PCSK2: variants seen among roughly 807,000 people sequenced by gnomAD.
PCSK2 encodes the protein proprotein convertase subtilisin/kexin type 2, also known as neuroendocrine convertase 2.
Under a neutral mutation model 69.7 loss-of-function variants are expected in PCSK2, and 14 were observed. The observed-to-expected ratio is 0.20, with a 90% CI of 0.13 to 0.31. The LOEUF (loss-of-function observed/expected upper bound fraction) is 0.31. Ranked by LOEUF, PCSK2 falls within the 10% of genes least tolerant of loss-of-function variation. The pLI, the probability that PCSK2 is intolerant of heterozygous loss-of-function variation, is 1.00. For missense variants in PCSK2, 544 were observed against 842.5 expected (o/e 0.65, Z 4.39); for synonymous variants, 307 against 320.7 (o/e 0.96, Z 0.46).
chr20:17,269,654 A>G (rs1435732276), intron 2 of PCSK2, among the ~76,000 whole-genome samples: 1 of 152,090 alleles, frequency 6.6e-6, no homozygotes, highest in Non-Finnish European at 1.5e-5. Flanking sequence ...GTCACATTTG[A>G]CTCAGAATGT....
intron 4 of PCSK2, among the ~76,000 whole-genome samples, chr20:17,365,171 T>C (rs564166917): frequency 6.6e-6 from 1 of 152,278 alleles, no homozygotes; most frequent in Non-Finnish European, 1.5e-5. Flanking sequence ...GATAAAGGCT[T>C]GCTCTCTGCT....
At chr20:17,318,637 A>G (rs907811490) in intron 2 of PCSK2, among the ~76,000 whole-genome samples, 3 of 152,148 alleles carry the variant, frequency 2.0e-5, no homozygotes, top group African/African-American at 7.2e-5. Flanking sequence ...ATGGTCCAAA[A>G]CCACTTGTGG....
At chr20:17,460,062 G>T (rs979118471) in intron 10 of PCSK2, among the ~76,000 whole-genome samples, 4 of 152,184 alleles carry the variant, frequency 2.6e-5, no homozygotes, top group African/African-American at 9.7e-5. Flanking sequence ...TTAGGGTACC[G>T]GGGTACCATT....
At chr20:17,469,484 C>G (rs2123408154) in intron 11 of PCSK2, among the ~76,000 whole-genome samples, 1 of 152,042 alleles carries the variant, frequency 6.6e-6, no homozygotes, top group Middle Eastern at 3.4e-3. Context: ...TCCTTGTAAG[C>G]CCAGGAGGTG....
chr20:17,266,185 G>A (rs1240393131), intron 2 of PCSK2, among the ~76,000 whole-genome samples: 2 of 152,190 alleles, frequency 1.3e-5, no homozygotes, highest in Non-Finnish European at 2.9e-5. Context: ...CGGCACTTGA[G>A]CTCACTGTTC....
In PCSK2 at chr20:17,340,645, C is replaced by A. The variant is rs556179532; in HGVS notation, c.283-17682C>A. On this transcript the variant is annotated intron_variant, in intron 2 of 11. Coordinates refer to ENST00000262545, the MANE Select transcript of PCSK2 (RefSeq NM_002594.5). ...ATTTGGGCTCCTATTTTGTTACAATCTTGATGTACATCCTAATTAATACAC... is the reference window on the plus strand; with the variant it reads ...ATTTGGGCTCCTATTTTGTTACAATATTGATGTACATCCTAATTAATACAC... 6.6e-5 allele frequency among the ~76,000 whole-genome samples: 10 copies of A among 152,266 alleles called. No homozygotes were observed. The East Asian group carries it at 1.9e-3, about 29-fold the overall frequency.
chr20:17,404,169 C>T (rs1433533190), intron 5 of PCSK2, among the ~76,000 whole-genome samples: 2 of 152,124 alleles, frequency 1.3e-5, no homozygotes, highest in African/African-American at 2.4e-5. Context: ...GAACCCCTGG[C>T]GCAATGCACA....
rs16999198 is a variant in PCSK2, at chr20:17,453,936, A to G, written c.1080A>G (p.Lys360=). The change falls in exon 9 of 12, where the codon AAA becomes AAG. Residue 360 remains lysine, a synonymous_variant. Coordinates refer to ENST00000262545, the MANE Select transcript of PCSK2 (RefSeq NM_002594.5). This position sits in a 1 kb window ranked among gnomAD's most constrained non-coding sequence, Gnocchi z 4.0. ...CTTCCACCTTCAGCAACGGGAGGAA[A>G]AGGAACCCCGAGGCCGGTGTGGTGA... ...TLASTFSNGR[K]RNPEAGVATT... 0.01 allele frequency: 16,710 copies of G among 1,614,160 alleles called. 193 individuals are homozygous for G. Among genetic ancestry groups the G allele is most frequent in the South Asian group, 0.04 (3,634 of 91,074 alleles).
intron 2 of PCSK2, among the ~76,000 whole-genome samples, chr20:17,260,642 G>A (rs2122999380): frequency 6.6e-6 from 1 of 152,238 alleles, no homozygotes; most frequent in East Asian, 1.9e-4. Context: ...CTGGGAACAT[G>A]TTTTGGCCTG....
chr20:17,316,508 G>A (rs1014534547), intron 2 of PCSK2, among the ~76,000 whole-genome samples: 1 of 152,126 alleles, frequency 6.6e-6, no homozygotes, highest in Non-Finnish European at 1.5e-5. Context: ...CTCTACCAGA[G>A]CTTTCTGGAC....
At position 17,291,370 on chromosome 20, in the gene PCSK2, T is replaced by A. The variant is rs565493920; in HGVS notation, c.282+31026T>A. ...TTAGTACATGAGCAGCTTCCTTGTT[T>A]TTGTTGTGTTTTGTTTTGTTTTGTT... On this transcript the variant is annotated intron_variant, in intron 2 of 11. Coordinates refer to ENST00000262545, the MANE Select transcript of PCSK2 (RefSeq NM_002594.5). 4.6e-5 allele frequency among the ~76,000 whole-genome samples: 7 copies of A among 152,274 alleles called. No homozygotes were observed. The South Asian group carries it at 1.4e-3, about 32-fold the overall frequency.
intron 10 of PCSK2, chr20:17,465,005 A>C (rs771881120): frequency 5.6e-5 from 21 of 373,656 alleles, no homozygotes; most frequent in Non-Finnish European, 8.6e-5. Flanking sequence ...CACAAAGTAC[A>C]TGTGTTCCAG....
chr20:17,455,714 A>G (rs1027764904), intron 9 of PCSK2, among the ~76,000 whole-genome samples: 5 of 152,220 alleles, frequency 3.3e-5, no homozygotes, highest in African/African-American at 1.2e-4. Context: ...CCACTTCATA[A>G]TGTTTCCTTT....
intron 11 of PCSK2, among the ~76,000 whole-genome samples, chr20:17,474,333 C>T (rs188645881): frequency 2.0e-5 from 3 of 152,312 alleles, no homozygotes; most frequent in Non-Finnish European, 4.4e-5. Context: ...TGGCCTGTGA[C>T]CCCCAGGCAC....
Position 17,481,915 on chromosome 20 carries a change from A to G in PCSK2, c.1762A>G (p.Thr588Ala), listed in dbSNP as rs748684715. ...GCAGAAGGGGGTGCTGAAGGAGTGG[A>G]CCCTGATGCTGCATGGCACTCAGAG... is the stretch of plus-strand genomic sequence containing the variant. The part of the protein sequence containing the change: ...APQKGVLKEW[T>A]LMLHGTQSAP... The change falls in exon 12 of 12, where the codon ACC (threonine) becomes GCC (alanine). Residue 588 changes from threonine to alanine, a missense_variant. Thr to Ala is a moderately conservative substitution (Grantham distance 58). Transcript: ENST00000262545. The G allele has an allele frequency of 6.2e-7, 1 of 1,613,658 alleles. No individual in the cohort carries two copies. The highest frequency in any genetic ancestry group is 1.3e-5 in the African/African-American group (1 of 74,868).
At chr20:17,410,910 A>C (rs2031856964) in intron 6 of PCSK2, among the ~76,000 whole-genome samples, 1 of 152,338 alleles carries the variant, frequency 6.6e-6, no homozygotes, top group East Asian at 1.9e-4. Context: ...GTGCAGTGGC[A>C]ACATATCCAC....
intron 5 of PCSK2, among the ~76,000 whole-genome samples, chr20:17,384,626 T>C (rs886578602): frequency 6.6e-6 from 1 of 151,214 alleles, no homozygotes; most frequent in Admixed American, 6.6e-5. Context: ...ACAATTTGAG[T>C]CTTAAAAATT....
chr20:17,258,556 A>G (rs1212573588), intron 1 of PCSK2, among the ~76,000 whole-genome samples: 1 of 152,218 alleles, frequency 6.6e-6, no homozygotes, highest in Non-Finnish European at 1.5e-5. Flanking sequence ...CATGTAATGG[A>G]ATAATATGCA....
intron 4 of PCSK2, among the ~76,000 whole-genome samples, chr20:17,363,059 C>A (rs567057167): frequency 5.8e-4 from 89 of 152,314 alleles, no homozygotes; most frequent in African/African-American, 2.1e-3. Flanking sequence ...CAAGATATTC[C>A]AAAATAAGGT....
Sources: allele counts gnomAD v4.1 joint callset (sites outside exome capture counted in the v4.1 genomes callset), GRCh38; gene constraint gnomAD v4.1.1; non-coding constraint Gnocchi (gnomAD v3.1); transcripts MANE v1.5; gene names NCBI Gene and HGNC (gene_info 2026-07-23, HGNC 2026-07-21).